The following HS6ST3 variants were observed in gnomAD, a reference collection of about 807,000 sequenced individuals.
HS6ST3 encodes heparan-sulfate 6-O-sulfotransferase 3.
A neutral mutation model predicts 36.7 loss-of-function variants in HS6ST3; 12 were observed. The observed-to-expected ratio is 0.33, with a 90% CI of 0.21 to 0.53. The LOEUF (loss-of-function observed/expected upper bound fraction) is 0.53. Among genes scored for constraint, HS6ST3 ranks in the 20% least tolerant of loss-of-function variants. The probability of loss-of-function intolerance (pLI) is 0.95; values close to 1 mark genes in which losing one functional copy is unlikely to be tolerated. For missense variants in HS6ST3, 584 were observed against 640.9 expected, an observed-to-expected ratio of 0.91 and a Z score of 0.96; for synonymous variants, 240 against 257.5, an observed-to-expected ratio of 0.93 and a Z score of 0.65.
intron 1 of HS6ST3, among the ~76,000 whole-genome samples, chr13:96,248,904 A>G (rs1594730898): frequency 6.6e-6 from 1 of 152,328 alleles, no homozygotes; most frequent in East Asian, 1.9e-4. Flanking sequence ...TGTGCATGAC[A>G]AATTTTCACA....
At chr13:96,662,991 C>T (rs2056651725) in intron 1 of HS6ST3, among the ~76,000 whole-genome samples, 1 of 152,146 alleles carries the variant, frequency 6.6e-6, no homozygotes, top group Admixed American at 6.6e-5. Flanking sequence ...AGGTAGTGGG[C>T]TGGTCTGTGG....
At chr13:96,304,175 A>C (rs2054897753) in intron 1 of HS6ST3, among the ~76,000 whole-genome samples, 1 of 151,464 alleles carries the variant, frequency 6.6e-6, no homozygotes, top group Admixed American at 6.6e-5. Flanking sequence ...TTACCTTTCA[A>C]ATATTTTCAA....
intron 1 of HS6ST3, among the ~76,000 whole-genome samples, chr13:96,819,172 T>C (rs1230110153): frequency 6.6e-6 from 1 of 152,228 alleles, no homozygotes; most frequent in African/African-American, 2.4e-5. Flanking sequence ...TTTCTTTTTA[T>C]AGAGGCATTC....
At chr13:96,517,844 C>T (rs1034999019) in intron 1 of HS6ST3, among the ~76,000 whole-genome samples, 6 of 152,086 alleles carry the variant, frequency 3.9e-5, no homozygotes, top group Admixed American at 1.3e-4. Flanking sequence ...TAAGTGAAAA[C>T]GTGCAGTATT....
intron 1 of HS6ST3, among the ~76,000 whole-genome samples, chr13:96,806,300 A>G (rs1878196767): frequency 6.6e-6 from 1 of 152,230 alleles, no homozygotes; most frequent in East Asian, 1.9e-4. Context: ...TCATGCTCTC[A>G]TAGAAATTTT....
At chr13:96,240,250 TAGAC>T (rs2054553781) in intron 1 of HS6ST3, among the ~76,000 whole-genome samples, 1 of 152,140 alleles carries the variant, frequency 6.6e-6, no homozygotes, top group South Asian at 2.1e-4. Flanking sequence ...AATGAGACAT[TAGAC>T]AGGTTGCTCC....
chr13:96,355,541 A>T (rs1297378894), intron 1 of HS6ST3, among the ~76,000 whole-genome samples: 1 of 152,220 alleles, frequency 6.6e-6, no homozygotes, highest in Non-Finnish European at 1.5e-5. Context: ...TTATGTTTAC[A>T]GTATACTATG....
chr13:96,818,592 C>T (rs1341639858), intron 1 of HS6ST3, among the ~76,000 whole-genome samples: 1 of 152,150 alleles, frequency 6.6e-6, no homozygotes, highest in Non-Finnish European at 1.5e-5. Flanking sequence ...GGATAAAATA[C>T]ATGAAAGTTA....
intron 1 of HS6ST3, among the ~76,000 whole-genome samples, chr13:96,609,946 A>G (rs966112822): frequency 6.6e-6 from 1 of 152,218 alleles, no homozygotes; most frequent in Non-Finnish European, 1.5e-5. Flanking sequence ...TTTACAGAAC[A>G]ATTAGGTAAA....
At chr13:96,216,154 A>G (rs988027470) in intron 1 of HS6ST3, among the ~76,000 whole-genome samples, 3 of 152,248 alleles carry the variant, frequency 2.0e-5, no homozygotes, top group African/African-American at 7.2e-5. Flanking sequence ...CATGAACAAC[A>G]TAAAATAATA....
intron 1 of HS6ST3, among the ~76,000 whole-genome samples, chr13:96,268,431 A>C (rs1325778479): frequency 6.6e-6 from 1 of 151,888 alleles, no homozygotes; most frequent in Non-Finnish European, 1.5e-5. Flanking sequence ...GAACTCACTC[A>C]CTATCATGAG....
chr13:96,697,159 T>A lies in HS6ST3; in HGVS notation c.708-135331T>A, dbSNP rs529521587. On this transcript the variant is annotated intron_variant, in intron 1 of 1. Transcript: ENST00000376705. ...CCCATGGAGATTTTATATATATATA[T>A]AAAATGTATAGATGTGTGTGTGTGT... Among the ~76,000 whole-genome samples, 4 of 151,736 alleles carry A rather than the reference T, an allele frequency of 2.6e-5. No individual in the cohort carries two copies. The Middle Eastern group carries it at 0.014, about 516-fold the overall frequency.
At chr13:96,103,891 G>A (rs526702) in intron 1 of HS6ST3, among the ~76,000 whole-genome samples, 1 of 151,414 alleles carries the variant, frequency 6.6e-6, no homozygotes, top group Non-Finnish European at 1.5e-5. Context: ...TAAGTCTTTC[G>A]CTTAGACCAT....
chr13:96,130,212 T>G (rs2053969206), intron 1 of HS6ST3, among the ~76,000 whole-genome samples: 1 of 152,162 alleles, frequency 6.6e-6, no homozygotes, highest in Non-Finnish European at 1.5e-5. Context: ...CTTTTTTGTT[T>G]TTTAGAAGAG....
At position 96,308,672 on chromosome 13, in the gene HS6ST3, C is replaced by T. The variant is rs558353769; in HGVS notation, c.707+217103C>T. On this transcript the variant is annotated intron_variant, in intron 1 of 1. Coordinates refer to ENST00000376705, the MANE Select transcript of HS6ST3 (RefSeq NM_153456.4). ...TCCATTCCATCCTTATTCCTTTCTT[C>T]CTGTATGCTCTTAAGTCTGGTATTC... Among the ~76,000 whole-genome samples, 310 of 152,178 alleles carry T rather than the reference C, an allele frequency of 2.0e-3. 4 individuals carry two copies. Among genetic ancestry groups the T allele is most frequent in the African/African-American group, 7.0e-3 (293 of 41,562 alleles).
intron 1 of HS6ST3, among the ~76,000 whole-genome samples, chr13:96,359,519 C>T (rs143077536): frequency 1.6e-4 from 24 of 152,226 alleles, no homozygotes; most frequent in Admixed American, 5.9e-4. Context: ...ATGAGCAGCT[C>T]GGTATCACCT....
intron 1 of HS6ST3, among the ~76,000 whole-genome samples, chr13:96,250,957 A>C (rs1408803615): frequency 2.0e-5 from 3 of 152,164 alleles, no homozygotes; most frequent in South Asian, 2.1e-4. Flanking sequence ...ATTATGGTGC[A>C]TAATCCTTTT....
At chr13:96,511,151 T>G (rs1328612706) in intron 1 of HS6ST3, among the ~76,000 whole-genome samples, 1 of 152,302 alleles carries the variant, frequency 6.6e-6, no homozygotes, top group Middle Eastern at 3.4e-3. Flanking sequence ...TTTTATCTTT[T>G]CAGCACTGTG....
intron 1 of HS6ST3, among the ~76,000 whole-genome samples, chr13:96,515,646 G>A (rs1259827965): frequency 6.6e-6 from 1 of 152,170 alleles, no homozygotes; most frequent in South Asian, 2.1e-4. Context: ...AGAGGGATGT[G>A]GTGTGAGGAG....
Sources: allele counts gnomAD v4.1 joint callset (sites outside exome capture counted in the v4.1 genomes callset), GRCh38; gene constraint gnomAD v4.1.1; transcripts MANE v1.5; gene names NCBI Gene and HGNC (gene_info 2026-07-23, HGNC 2026-07-21).